The following AMPD1 variants were observed in gnomAD, a reference collection of about 807,000 sequenced individuals.
The protein encoded by AMPD1 is adenosine monophosphate deaminase 1, also known as AMP deaminase 1.
A neutral mutation model predicts 82.9 loss-of-function variants in AMPD1; 74 were observed. That is an observed-to-expected ratio of 0.89 (90% CI 0.74 to 1.08). The LOEUF (loss-of-function observed/expected upper bound fraction) is 1.08. Ranked by LOEUF, AMPD1 falls within the 50% of genes least tolerant of loss-of-function variation. AMPD1 has a pLI of 0.00. For synonymous variants in AMPD1, 333 were observed against 320.5 expected, an observed-to-expected ratio of 1.04 and a Z score of -0.42; for missense variants, 881 against 924.5, an observed-to-expected ratio of 0.95 and a Z score of 0.61.
intron 11 of AMPD1, 76 bp downstream of exon 11, chr1:114,675,801 A>G: frequency 1.9e-6 from 3 of 1,613,428 alleles, no homozygotes; most frequent in South Asian, 1.1e-5. Flanking sequence ...AGAGATAAGC[A>G]CCAAGAATTA....
intron 5 of AMPD1, among the ~76,000 whole-genome samples, chr1:114,683,943 G>A (rs555526331): frequency 1.3e-5 from 2 of 152,252 alleles, no homozygotes; most frequent in South Asian, 4.1e-4. Context: ...GAGTAGTTAC[G>A]AAGCTCTTGC....
At position 114,674,004 on chromosome 1, in the gene AMPD1, G is replaced by C. The variant is rs1319034584; in HGVS notation, c.1879C>G (p.Leu627Val). 6.2e-7 allele frequency: 1 copy of C among 1,613,980 alleles called. No individual in the cohort carries two copies. The highest frequency in any genetic ancestry group is 2.2e-5 in the East Asian group (1 of 44,870). ...AAAAAAGGATTTTTGGCATACTCTAGAAATAGGCTATTGTTACTTAGTGGT... is the reference window on the plus strand; with the variant it reads ...AAAAAAGGATTTTTGGCATACTCTACAAATAGGCTATTGTTACTTAGTGGT... ...MSPLSNNSLF[L>V]EYAKNPFLDF... The change falls in exon 14 of 16, where the codon CTA becomes GTA. Residue 627 changes from leucine to valine, a missense_variant. Coordinates refer to ENST00000520113, the MANE Select transcript of AMPD1 (RefSeq NM_000036.3).
intron 3 of AMPD1, among the ~76,000 whole-genome samples, chr1:114,687,172 A>C (rs1363060229): frequency 6.6e-6 from 1 of 152,072 alleles, no homozygotes; most frequent in Non-Finnish European, 1.5e-5. Context: ...CCTTCTTCCC[A>C]GGCAGTCCAC....
intron 2 of AMPD1, among the ~76,000 whole-genome samples, chr1:114,690,114 A>G (rs546273376): frequency 1.3e-5 from 2 of 152,164 alleles, no homozygotes; most frequent in Non-Finnish European, 2.9e-5. Context: ...CAGACCTGCA[A>G]AAGTCCATAT....
chr1:114,686,672 A>G, intron 4 of AMPD1, 73 bp downstream of exon 4: 1 of 1,526,186 alleles, frequency 6.6e-7, no homozygotes, highest in Non-Finnish European at 9.1e-7. Flanking sequence ...GAAAGAGAAG[A>G]AGGCAAGGAG....
chr1:114,691,940 A>G (rs957283337), intron 2 of AMPD1, among the ~76,000 whole-genome samples: 2 of 152,076 alleles, frequency 1.3e-5, no homozygotes, highest in Non-Finnish European at 2.9e-5. Context: ...TAAAAATAAA[A>G]ATTAAAATTA....
At chr1:114,682,079 C>T (rs773863083) in intron 5 of AMPD1, among the ~76,000 whole-genome samples, 99 of 152,194 alleles carry the variant, frequency 6.5e-4, no homozygotes, top group Middle Eastern at 3.4e-3. Context: ...CATTTCGCAC[C>T]GTCAGAGCCT....
At chr1:114,695,410 A>T in intron 1 of AMPD1, 40 bp downstream of exon 1, 2 of 1,572,472 alleles carry the variant, frequency 1.3e-6, no homozygotes, top group Non-Finnish European at 1.7e-6. Context: ...AAAAAAAAAA[A>T]CAACAACAAC....
At chr1:114,689,714 G>A (rs889010905) in intron 2 of AMPD1, among the ~76,000 whole-genome samples, 2 of 152,196 alleles carry the variant, frequency 1.3e-5, no homozygotes, top group Non-Finnish European at 2.9e-5. Flanking sequence ...CTACTCAGGA[G>A]GCTGAGGCAA....
intron 5 of AMPD1, among the ~76,000 whole-genome samples, chr1:114,681,309 T>G (rs947337208): frequency 2.6e-5 from 4 of 152,120 alleles, no homozygotes; most frequent in African/African-American, 9.7e-5. Flanking sequence ...AAATGCCGTT[T>G]CCAGGCTGGG....
chr1:114,693,164 A>AAGTAAG (rs1428778165), intron 2 of AMPD1, among the ~76,000 whole-genome samples: 2 of 138,968 alleles, frequency 1.4e-5, no homozygotes, highest in African/African-American at 2.6e-5. Context: ...AAATAAATAA[A>AAGTAAG]TAAGTAAAAG....
rs1658062104 is a variant in AMPD1 at position 114,678,390 on chromosome 1, A to G, written c.1035T>C (p.Phe345=). 6.2e-7 allele frequency: 1 copy of G among 1,614,208 alleles called. No individual in the cohort carries two copies. The highest frequency in any genetic ancestry group is 1.7e-5 in the Admixed American group (1 of 60,026). ...CATAAGGATGCATTTTTAATTTAGC[A>G]AAAAGTTCCTTTAGGGTCAGATTCT... ...KEKNLTLKEL[F]AKLKMHPYDL... The change falls in exon 8 of 16, where the codon TTT becomes TTC. Residue 345 remains phenylalanine, a synonymous_variant. Coordinates refer to ENST00000520113, the MANE Select transcript of AMPD1 (RefSeq NM_000036.3).
rs1324803388 is a variant in AMPD1, at chr1:114,679,713, G to A, written c.768-5C>T. Reference sequence around the variant, plus strand: ...CGCCGGTGGGTATAGGTCTTACTGTGAAAAATAAAATCACATAATTCCAAA... The same window carrying A: ...CGCCGGTGGGTATAGGTCTTACTGTAAAAAATAAAATCACATAATTCCAAA... On this transcript the variant is annotated splice_region_variant and splice_polypyrimidine_tract_variant and intron_variant, in intron 6 of 15. Coordinates refer to ENST00000520113, the MANE Select transcript of AMPD1 (RefSeq NM_000036.3). 6.2e-7 allele frequency: 1 copy of A among 1,613,700 alleles called. No individual in the cohort carries two copies. Among genetic ancestry groups the A allele is most frequent in the African/African-American group, 1.3e-5 (1 of 74,832 alleles).
rs913960213 is a variant in AMPD1 at position 114,678,617 on chromosome 1, C to A, written c.898-90G>T. 20 of 1,199,938 alleles carry A rather than the reference C, an allele frequency of 1.7e-5. No individual in the cohort carries two copies. In the South Asian group the frequency reaches 2.5e-4, roughly 15 times the overall value. The allele number at this position is 1,199,938 out of a possible 1,614,324, so 74.3% of individuals were successfully genotyped here. On this transcript the variant is annotated intron_variant, in intron 7 of 15. Coordinates refer to ENST00000520113, the MANE Select transcript of AMPD1 (RefSeq NM_000036.3). The stretch of plus-strand genomic sequence containing the variant: ...GGATATGGTGCTGCAAATCCCACTG[C>A]GTTGGGACAAAGTGAATAATGAGGA...
chr1:114,676,435 C>A (rs1387528142), intron 10 of AMPD1, among the ~76,000 whole-genome samples: 2 of 152,138 alleles, frequency 1.3e-5, no homozygotes, highest in East Asian at 3.9e-4. Flanking sequence ...TCTAAGTGAC[C>A]AGAAATATTA....
rs755001272 is a variant in AMPD1 at position 114,680,395 on chromosome 1, T to A, written c.631A>T (p.Lys211Ter). Residue 211 changes from lysine (K) to a stop codon, truncating the protein, a stop_gained, in exon 6 of 16, where the codon AAG (lysine) becomes TAG (stop). Coordinates refer to ENST00000520113, the MANE Select transcript of AMPD1 (RefSeq NM_000036.3). LOFTEE classifies it high-confidence loss of function. ...GGATAGACGTAAACTACACCGTCCT[T>A]CATTTTGAGGTGATAGCCCAGGTTT... ...PENLGYHLKM[K>*]DGVVYVYPNE... 3.7e-6 allele frequency: 6 copies of A among 1,614,072 alleles called. No individual in the cohort carries two copies. The African/African-American group carries it at 8.0e-5, about 22-fold the overall frequency.
intron 5 of AMPD1, 30 bp downstream of exon 5, chr1:114,684,169 G>A (rs757174452): frequency 1.2e-6 from 2 of 1,606,016 alleles, no homozygotes; most frequent in South Asian, 1.1e-5. Context: ...AATAAAATAT[G>A]TTTCATACAT....
intron 5 of AMPD1, among the ~76,000 whole-genome samples, chr1:114,681,724 T>C (rs1489577361): frequency 6.6e-6 from 1 of 152,070 alleles, no homozygotes; most frequent in Non-Finnish European, 1.5e-5. Flanking sequence ...AATAGATGAA[T>C]ATACATTAAC....
At chr1:114,677,120 A>G (rs1658007299) in intron 10 of AMPD1, among the ~76,000 whole-genome samples, 1 of 151,898 alleles carries the variant, frequency 6.6e-6, no homozygotes, top group Admixed American at 6.6e-5. Flanking sequence ...GTTATTTATG[A>G]TCTTCATAAA....
Sources: allele counts gnomAD v4.1 joint callset (sites outside exome capture counted in the v4.1 genomes callset), GRCh38; gene constraint gnomAD v4.1.1; transcripts MANE v1.5; gene names NCBI Gene and HGNC (gene_info 2026-07-23, HGNC 2026-07-21).